The following SUGCT variants were observed in gnomAD, a reference collection of about 807,000 sequenced individuals.
The protein encoded by SUGCT is succinyl-CoA:glutarate-CoA transferase.
Under a neutral mutation model 55.0 loss-of-function variants are expected in SUGCT, and 41 were observed. That is an observed-to-expected ratio of 0.74 (90% confidence interval 0.58 to 0.97). SUGCT has a LOEUF of 0.97. Ranked by LOEUF, SUGCT falls within the 50% of genes least tolerant of loss-of-function variation. The pLI, the probability that SUGCT is intolerant of heterozygous loss-of-function variation, is 0.00. For synonymous variants in SUGCT, 187 were observed against 200.4 expected, an observed-to-expected ratio of 0.93 and a Z score of 0.56; for missense variants, 568 against 547.8, an observed-to-expected ratio of 1.04 and a Z score of -0.37.
At chr7:40,668,828 A>T (rs1801781800) in intron 12 of SUGCT, among the ~76,000 whole-genome samples, 1 of 152,192 alleles carries the variant, frequency 6.6e-6, no homozygotes, top group Non-Finnish European at 1.5e-5. Context: ...GCTGTACTCT[A>T]GCCAAACACC....
chr7:40,681,246 T>C (rs1456126673), intron 12 of SUGCT, among the ~76,000 whole-genome samples: 3 of 151,980 alleles, frequency 2.0e-5, no homozygotes, highest in Non-Finnish European at 4.4e-5. Flanking sequence ...AAAGCCTAAT[T>C]AGAGGGTTGG....
intron 8 of SUGCT, among the ~76,000 whole-genome samples, chr7:40,275,482 G>A (rs1792404722): frequency 6.6e-6 from 1 of 152,086 alleles, no homozygotes; most frequent in Admixed American, 6.5e-5. Flanking sequence ...ATATCTAATA[G>A]TGGGTGTAAC....
At chr7:40,612,859 G>A (rs1468988555) in intron 12 of SUGCT, among the ~76,000 whole-genome samples, 1 of 152,034 alleles carries the variant, frequency 6.6e-6, no homozygotes, top group Non-Finnish European at 1.5e-5. Context: ...GCCACCAGAT[G>A]CGGTGGCTCA....
the SUGCT span, among the ~76,000 whole-genome samples, chr7:41,015,019 T>C: frequency 3.0e-4 from 46 of 152,172 alleles, no homozygotes; most frequent in Middle Eastern, 3.2e-3. Flanking sequence ...TAAAGAAAAG[T>C]ATGATTGCAG....
chr7:40,468,366 C>T (rs943589856), intron 11 of SUGCT, among the ~76,000 whole-genome samples: 1 of 152,114 alleles, frequency 6.6e-6, no homozygotes, highest in East Asian at 1.9e-4. Flanking sequence ...TAATTTCTAA[C>T]ATCTGTGTCA....
intron 9 of SUGCT, among the ~76,000 whole-genome samples, chr7:40,436,651 A>G (rs934181494): frequency 6.6e-6 from 1 of 152,184 alleles, no homozygotes; most frequent in African/African-American, 2.4e-5. Flanking sequence ...TGGTACATAG[A>G]TGGTACAGAA....
intron 9 of SUGCT, among the ~76,000 whole-genome samples, chr7:40,330,503 C>T (rs1047595601): frequency 6.6e-6 from 1 of 151,792 alleles, no homozygotes; most frequent in Non-Finnish European, 1.5e-5. Flanking sequence ...TGCCGGATGC[C>T]TAGCTTGAGA....
At chr7:40,180,372 C>T (rs1448836175) in intron 1 of SUGCT, among the ~76,000 whole-genome samples, 3 of 152,078 alleles carry the variant, frequency 2.0e-5, no homozygotes, top group Middle Eastern at 3.2e-3. Context: ...CCCGCCTCCG[C>T]CTCCCAAAGT....
At chr7:40,596,475 G>A (rs1410538190) in intron 12 of SUGCT, among the ~76,000 whole-genome samples, 2 of 152,002 alleles carry the variant, frequency 1.3e-5, no homozygotes, top group Non-Finnish European at 2.9e-5. Flanking sequence ...TTAGGAAATG[G>A]GATCCTTTAA....
Position 40,564,478 on chromosome 7 carries a change from G to A in SUGCT, c.1089+68092G>A, listed in dbSNP as rs79153294. Among the ~76,000 whole-genome samples, 1,483 of 152,302 alleles carry A rather than the reference G, an allele frequency of 9.7e-3. 30 individuals are homozygous for A. The highest frequency in any genetic ancestry group is 0.033 in the African/African-American group (1,372 of 41,562). On this transcript the variant is annotated intron_variant, in intron 12 of 13. Coordinates refer to ENST00000335693, the MANE Select transcript of SUGCT (RefSeq NM_001193313.2). ...TTCAACCACCGTCATGTCATAATAA[G>A]GGAATAATTATATCTGTAGGGTAGA...
intron 13 of SUGCT, among the ~76,000 whole-genome samples, chr7:40,820,749 C>T (rs1252527876): frequency 6.6e-6 from 1 of 152,128 alleles, no homozygotes; most frequent in African/African-American, 2.4e-5. Context: ...TAACTGAATA[C>T]CCTTTATTTC....
chr7:40,807,577 C>T (rs1791170445), intron 13 of SUGCT, among the ~76,000 whole-genome samples: 1 of 152,162 alleles, frequency 6.6e-6, no homozygotes, highest in South Asian at 2.1e-4. Flanking sequence ...CAGGAAGAAG[C>T]TGGACAAACA....
the SUGCT span, among the ~76,000 whole-genome samples, chr7:41,035,661 T>C: frequency 3.3e-5 from 5 of 152,332 alleles, no homozygotes; most frequent in East Asian, 9.6e-4. Context: ...ATTTTGTGGA[T>C]TTTAAAGTTT....
chr7:40,545,768 A>C (rs1339868599), intron 12 of SUGCT, among the ~76,000 whole-genome samples: 1 of 152,220 alleles, frequency 6.6e-6, no homozygotes, highest in African/African-American at 2.4e-5. Flanking sequence ...AGAATAACAA[A>C]GTATGCTTGC....
chr7:40,832,999 A>G (rs570711645), intron 13 of SUGCT, among the ~76,000 whole-genome samples: 17 of 151,848 alleles, frequency 1.1e-4, no homozygotes, highest in African/African-American at 3.1e-4. Flanking sequence ...TCTATTCTGC[A>G]TGCTGCCATC....
chr7:40,838,686 A>G (rs1584515368), intron 13 of SUGCT, among the ~76,000 whole-genome samples: 1 of 152,292 alleles, frequency 6.6e-6, no homozygotes, highest in South Asian at 2.1e-4. Context: ...CAACCATGCT[A>G]TCTGCAAATA....
intron 9 of SUGCT, among the ~76,000 whole-genome samples, chr7:40,340,696 T>A (rs1459786058): frequency 2.0e-5 from 3 of 152,158 alleles, no homozygotes; most frequent in African/African-American, 7.2e-5. Flanking sequence ...AAGGAGCCAG[T>A]CCGGCTATAA....
At chr7:40,915,087 C>A in the SUGCT span, among the ~76,000 whole-genome samples, 5 of 152,210 alleles carry the variant, frequency 3.3e-5, no homozygotes, top group African/African-American at 1.2e-4. Context: ...ACTTCTTTTC[C>A]GATCACTGCT....
At chr7:40,742,917 T>A (rs992483400) in intron 12 of SUGCT, among the ~76,000 whole-genome samples, 3 of 152,222 alleles carry the variant, frequency 2.0e-5, no homozygotes, top group Non-Finnish European at 2.9e-5. Flanking sequence ...AAATAAAGAA[T>A]ATTACTCCAG....
Sources: gnomAD v4.1 joint callset for allele counts (sites outside exome capture counted in the v4.1 genomes callset) on GRCh38, gnomAD v4.1.1 for gene constraint, MANE v1.5 for transcripts, NCBI Gene and HGNC (gene_info 2026-07-23, HGNC 2026-07-21) for gene names.